Variants in TSPAN5 observed in about 807,000 individuals in gnomAD.
TSPAN5 encodes tetraspanin 5.
Under a neutral mutation model 37.1 loss-of-function variants are expected in TSPAN5, and 10 were observed. The observed-to-expected ratio is 0.27, with a 90% CI of 0.17 to 0.46. The LOEUF is 0.46. TSPAN5 is among the 20% of genes least tolerant of loss of function. The pLI is 1.00. For missense variants in TSPAN5, 195 were observed against 326.6 expected (o/e 0.60, Z 3.11); for synonymous variants, 110 against 118.9 (o/e 0.93, Z 0.48).
intron 2 of TSPAN5, among the ~76,000 whole-genome samples, chr4:98,498,769 G>T (rs1753274341): frequency 1.3e-5 from 2 of 152,138 alleles, no homozygotes; most frequent in South Asian, 4.1e-4. Flanking sequence ...AGCCATTAGG[G>T]CCCGACTCTG....
intron 4 of TSPAN5, among the ~76,000 whole-genome samples, chr4:98,481,587 T>C (rs1752838752): frequency 6.6e-6 from 1 of 152,214 alleles, no homozygotes; most frequent in African/African-American, 2.4e-5. Flanking sequence ...AATTATTCTG[T>C]TGATAAGTAG....
intron 1 of TSPAN5, among the ~76,000 whole-genome samples, chr4:98,636,625 A>G (rs988012601): frequency 5.3e-5 from 8 of 152,168 alleles, no homozygotes; most frequent in African/African-American, 1.4e-4. Context: ...TATTATCTCT[A>G]TTAATCTGTG....
At chr4:98,564,244 A>G (rs903027572) in intron 1 of TSPAN5, among the ~76,000 whole-genome samples, 1 of 152,228 alleles carries the variant, frequency 6.6e-6, no homozygotes, top group Non-Finnish European at 1.5e-5. Flanking sequence ...GCTTTTCTAT[A>G]CACCAAATCC....
At chr4:98,494,362 A>G (rs1753151774) in intron 2 of TSPAN5, among the ~76,000 whole-genome samples, 1 of 151,918 alleles carries the variant, frequency 6.6e-6, no homozygotes, top group Non-Finnish European at 1.5e-5. Context: ...GAGACAGACA[A>G]ACAGACAGAC....
intron 1 of TSPAN5, among the ~76,000 whole-genome samples, chr4:98,602,363 T>C (rs28485991): frequency 0.011 from 1,652 of 152,318 alleles, 23 homozygotes; most frequent in African/African-American, 0.038. Flanking sequence ...AAATGTCTTT[T>C]TAATCTGCAG....
chr4:98,473,640 T>C (rs1027593664), intron 7 of TSPAN5, among the ~76,000 whole-genome samples: 2 of 152,112 alleles, frequency 1.3e-5, no homozygotes, highest in African/African-American at 4.8e-5. Flanking sequence ...TTTGTATTTT[T>C]AGTAGAGACG....
At chr4:98,591,942 A>C (rs1052168760) in intron 1 of TSPAN5, among the ~76,000 whole-genome samples, 2 of 151,522 alleles carry the variant, frequency 1.3e-5, no homozygotes, top group East Asian at 3.9e-4. Flanking sequence ...TGAAGGACTT[A>C]TACTCCCTTA....
chr4:98,537,728 G>A lies in TSPAN5; in HGVS notation c.82-30000C>T, dbSNP rs571564364. Among the ~76,000 whole-genome samples, 42 of 152,344 alleles carry A rather than the reference G, an allele frequency of 2.8e-4. 1 individual carries two copies. The East Asian group carries it at 4.4e-3, about 16-fold the overall frequency. On this transcript the variant is annotated intron_variant, in intron 1 of 7. Transcript: ENST00000305798. ...CTCCAGTATTTGCTGTCTGCATTAGGAGGTGGCAAGGGCCTGGCACAGAGG... is the reference window on the plus strand; with the variant it reads ...CTCCAGTATTTGCTGTCTGCATTAGAAGGTGGCAAGGGCCTGGCACAGAGG...
chr4:98,508,522 CTTTTTTTT>C (rs34342433), intron 1 of TSPAN5, among the ~76,000 whole-genome samples: 1 of 121,930 alleles, frequency 8.2e-6, no homozygotes, highest in South Asian at 2.7e-4. Context: ...TACTGTTTTT[CTTTTTTTT>C]TTTTTTTTTT....
At chr4:98,541,546 A>G (rs1754355820) in intron 1 of TSPAN5, among the ~76,000 whole-genome samples, 1 of 151,866 alleles carries the variant, frequency 6.6e-6, no homozygotes, top group Non-Finnish European at 1.5e-5. Flanking sequence ...GCATGGTGGC[A>G]TGCCTATAAT....
chr4:98,473,805 G>T, intron 7 of TSPAN5, among the ~76,000 whole-genome samples: 1 of 152,182 alleles, frequency 6.6e-6, no homozygotes, highest in Non-Finnish European at 1.5e-5. Context: ...TAATTTAAGG[G>T]ACTGGGTTTT....
chr4:98,554,486 C>T (rs1754694392), intron 1 of TSPAN5, among the ~76,000 whole-genome samples: 2 of 152,220 alleles, frequency 1.3e-5, no homozygotes, highest in African/African-American at 4.8e-5. Context: ...TAATCATACT[C>T]ATTCAATTGC....
intron 1 of TSPAN5, chr4:98,657,745 G>A (rs897126350): frequency 2.1e-4 from 55 of 265,370 alleles, no homozygotes; most frequent in Admixed American, 9.1e-4. Flanking sequence ...GGACCTCAGG[G>A]TCGGCCGTGC....
At chr4:98,480,721 A>G (rs1291429058) in intron 4 of TSPAN5, among the ~76,000 whole-genome samples, 2 of 152,196 alleles carry the variant, frequency 1.3e-5, no homozygotes, top group Non-Finnish European at 2.9e-5. Flanking sequence ...AAGCTCCATC[A>G]ATGTGTCATG....
rs1196092088 is a variant in TSPAN5 at position 98,486,868 on chromosome 4, A to C, written c.149T>G (p.Ile50Ser). The C allele has an allele frequency of 6.2e-7, 1 of 1,613,890 alleles. No individual in the cohort carries two copies. The highest frequency in any genetic ancestry group is 8.5e-7 in the Non-Finnish European group (1 of 1,180,004). The change falls in exon 3 of 8, where the codon ATC becomes AGC. Residue 50 changes from isoleucine to serine, a missense_variant. Ile to Ser is a moderately radical substitution (Grantham distance 142, BLOSUM62 -2). Transcript: ENST00000305798. ...AWNEKGVLSNISSITDLGGFD... is the reference protein window; with the variant it reads ...AWNEKGVLSNSSSITDLGGFD... ...GCCGCCGAGATCGGTGATGGAAGAG[A>C]TGTTGGACAGAACTCCCTGGGAGCA...
intron 7 of TSPAN5, among the ~76,000 whole-genome samples, chr4:98,475,351 T>C (rs1271577356): frequency 6.6e-6 from 1 of 152,238 alleles, no homozygotes; most frequent in Non-Finnish European, 1.5e-5. Context: ...AACTATGTGC[T>C]CTTTGGAAAG....
intron 2 of TSPAN5, among the ~76,000 whole-genome samples, chr4:98,503,603 TAAAGAGACAGA>T (rs1244080447): frequency 6.6e-6 from 1 of 152,212 alleles, no homozygotes; most frequent in Non-Finnish European, 1.5e-5. Context: ...AAGGGCAACC[TAAAGAGACAGA>T]AATGCTGAGC....
chr4:98,546,172 C>A (rs542344905), intron 1 of TSPAN5, among the ~76,000 whole-genome samples: 1 of 152,288 alleles, frequency 6.6e-6, no homozygotes, highest in South Asian at 2.1e-4. Context: ...AACACCAGAG[C>A]AGGTGGTAGG....
At chr4:98,484,571 C>T (rs1457116733) in intron 3 of TSPAN5, 1 of 455,890 alleles carries the variant, frequency 2.2e-6, no homozygotes, top group Non-Finnish European at 4.4e-6. Context: ...TAGTTTTCTG[C>T]CTGTTCAGTT....
Sources: allele counts gnomAD v4.1 joint callset (sites outside exome capture counted in the v4.1 genomes callset), GRCh38; gene constraint gnomAD v4.1.1; transcripts MANE v1.5; gene names NCBI Gene and HGNC (gene_info 2026-07-23, HGNC 2026-07-21).